ADAMTSL1: variants seen among roughly 807,000 people sequenced by gnomAD.
ADAMTSL1 encodes the protein ADAMTS-like protein 1.
A neutral mutation model predicts 201.8 loss-of-function variants in ADAMTSL1; 126 were observed. That is an observed-to-expected ratio of 0.62 (90% CI 0.54 to 0.72). The LOEUF (loss-of-function observed/expected upper bound fraction) is 0.72, where lower values mean the gene tolerates loss of function less well. Among genes scored for constraint, ADAMTSL1 ranks in the 30% least tolerant of loss-of-function variants. The pLI is 0.00. For missense variants in ADAMTSL1, 2,679 were observed against 2,277.8 expected, an observed-to-expected ratio of 1.18 and a Z score of -3.59; for synonymous variants, 1,121 against 903.4, an observed-to-expected ratio of 1.24 and a Z score of -4.32.
intron 2 of ADAMTSL1, among the ~76,000 whole-genome samples, chr9:18,224,312 C>T (rs1433112565): frequency 6.6e-6 from 1 of 152,074 alleles, no homozygotes; most frequent in Non-Finnish European, 1.5e-5. Context: ...CTATATCCTC[C>T]AGAGGAGGGG....
At chr9:18,414,492 A>G (rs1484989891) in intron 2 of ADAMTSL1, among the ~76,000 whole-genome samples, 1 of 152,232 alleles carries the variant, frequency 6.6e-6, no homozygotes, top group Non-Finnish European at 1.5e-5. Context: ...AACAACCAAA[A>G]AAACAAACAA....
intron 23 of ADAMTSL1, among the ~76,000 whole-genome samples, chr9:18,837,239 A>G (rs961880272): frequency 2.6e-5 from 4 of 152,160 alleles, no homozygotes; most frequent in African/African-American, 7.2e-5. Flanking sequence ...TCATAATTCT[A>G]AGTTTTAAGT....
chr9:18,354,623 G>T (rs1563907922), intron 2 of ADAMTSL1, among the ~76,000 whole-genome samples: 1 of 152,122 alleles, frequency 6.6e-6, no homozygotes, highest in Non-Finnish European at 1.5e-5. Context: ...GCAACACAGT[G>T]GTTAAAGGTG....
chr9:18,811,902 A>G lies in ADAMTSL1; in HGVS notation c.3806-5207A>G, dbSNP rs1032360477. 5.3e-5 allele frequency among the ~76,000 whole-genome samples: 8 copies of G among 152,338 alleles called. No individual in the cohort carries two copies. The South Asian group carries it at 1.0e-3, about 20-fold the overall frequency. On this transcript the variant is annotated intron_variant, in intron 20 of 28. Transcript: ENST00000380548. The stretch of plus-strand genomic sequence containing the variant: ...TTAGGTTAATGTAACAAAATATAAC[A>G]GGACTTGTATCTCAGAAACAACAAA...
chr9:18,134,648 A>G (rs1587129861), intron 1 of ADAMTSL1, among the ~76,000 whole-genome samples: 1 of 152,188 alleles, frequency 6.6e-6, no homozygotes, highest in African/African-American at 2.4e-5. Flanking sequence ...TGTACTCAAA[A>G]CTTGCCAGTG....
chr9:18,889,656 G>A lies in ADAMTSL1; in HGVS notation c.4551G>A (p.Leu1517=). 1 of 1,611,772 alleles carries A rather than the reference G, an allele frequency of 6.2e-7. No individual in the cohort carries two copies. Among genetic ancestry groups the A allele is most frequent in the Non-Finnish European group, 8.5e-7 (1 of 1,178,968 alleles). ...GVQQPRLRCL[L]NSTEVNPAHC... ...AGCAGCCCCGCTTGAGGTGCCTGCT[G>A]AACAGCACGGAGGTCAACCCTGCCC... The change falls in exon 25 of 29, where the codon CTG becomes CTA. Residue 1517 remains leucine (L), a synonymous_variant. Coordinates refer to ENST00000380548, the MANE Select transcript of ADAMTSL1 (RefSeq NM_001040272.6).
chr9:18,345,365 G>A (rs949989961), intron 2 of ADAMTSL1, among the ~76,000 whole-genome samples: 1 of 152,000 alleles, frequency 6.6e-6, no homozygotes, highest in Non-Finnish European at 1.5e-5. Flanking sequence ...TTTCTAAGAA[G>A]AACTAACATC....
At chr9:18,861,420 T>C (rs1050915652) in intron 23 of ADAMTSL1, among the ~76,000 whole-genome samples, 8 of 152,154 alleles carry the variant, frequency 5.3e-5, no homozygotes, top group Non-Finnish European at 7.3e-5. Flanking sequence ...AAGGTCAGAA[T>C]TGGACCCAGG....
At chr9:18,262,968 G>A (rs1342192052) in intron 2 of ADAMTSL1, among the ~76,000 whole-genome samples, 4 of 152,194 alleles carry the variant, frequency 2.6e-5, no homozygotes, top group Non-Finnish European at 5.9e-5. Flanking sequence ...GTTAGTCTGT[G>A]CCAAGATAAT....
intron 1 of ADAMTSL1, among the ~76,000 whole-genome samples, chr9:18,485,994 G>A (rs1417584781): frequency 6.6e-6 from 1 of 152,220 alleles, no homozygotes; most frequent in Non-Finnish European, 1.5e-5. Flanking sequence ...GTTACTGGTA[G>A]CAAAAACCTC....
At chr9:18,085,577 A>T (rs1305638174) in intron 1 of ADAMTSL1, among the ~76,000 whole-genome samples, 1 of 150,418 alleles carries the variant, frequency 6.6e-6, no homozygotes, top group Admixed American at 6.6e-5. Context: ...ACATATATAC[A>T]CACTGTGTGT....
chr9:18,183,948 C>T (rs976514105), intron 2 of ADAMTSL1, among the ~76,000 whole-genome samples: 3 of 152,092 alleles, frequency 2.0e-5, no homozygotes, highest in Non-Finnish European at 2.9e-5. Context: ...GAAGTTTCAA[C>T]GGTAATTTAA....
At chr9:18,311,967 T>C (rs1834175260) in intron 2 of ADAMTSL1, among the ~76,000 whole-genome samples, 1 of 152,168 alleles carries the variant, frequency 6.6e-6, no homozygotes, top group African/African-American at 2.4e-5. Flanking sequence ...TACATATCTG[T>C]TGAATGCCTT....
intron 7 of ADAMTSL1, among the ~76,000 whole-genome samples, chr9:18,641,843 T>A (rs1422133509): frequency 5.3e-5 from 8 of 152,006 alleles, no homozygotes; most frequent in Non-Finnish European, 8.8e-5. Flanking sequence ...ATATATATCA[T>A]ATGAATTAAG....
chr9:18,338,671 C>T (rs1484360989), intron 2 of ADAMTSL1, among the ~76,000 whole-genome samples: 2 of 152,086 alleles, frequency 1.3e-5, no homozygotes, highest in Non-Finnish European at 2.9e-5. Context: ...AGGTTTGTTA[C>T]ATCAGTAAAT....
intron 15 of ADAMTSL1, among the ~76,000 whole-genome samples, chr9:18,740,310 A>G (rs1818746985): frequency 6.6e-6 from 1 of 152,024 alleles, no homozygotes; most frequent in Admixed American, 6.6e-5. Flanking sequence ...CACCTTTGTC[A>G]TTAAGGGTTT....
intron 1 of ADAMTSL1, among the ~76,000 whole-genome samples, chr9:17,963,047 C>T (rs1388280326): frequency 6.6e-6 from 1 of 152,168 alleles, no homozygotes; most frequent in Admixed American, 6.5e-5. Flanking sequence ...TGGCAAAATG[C>T]CCTTGAGATA....
chr9:18,533,028 A>G (rs1282536046), intron 2 of ADAMTSL1, among the ~76,000 whole-genome samples: 1 of 152,052 alleles, frequency 6.6e-6, no homozygotes, highest in Non-Finnish European at 1.5e-5. Flanking sequence ...TTGAAACAAG[A>G]TAAATACTTA....
chr9:18,024,373 G>A (rs1024465189), intron 1 of ADAMTSL1, among the ~76,000 whole-genome samples: 7 of 151,914 alleles, frequency 4.6e-5, no homozygotes, highest in Non-Finnish European at 8.8e-5. Context: ...CAGGTAGAGA[G>A]CACAGTAACC....
Sources: gnomAD v4.1 joint callset for allele counts (sites outside exome capture counted in the v4.1 genomes callset) on GRCh38, gnomAD v4.1.1 for gene constraint, MANE v1.5 for transcripts, NCBI Gene and HGNC (gene_info 2026-07-23, HGNC 2026-07-21) for gene names.